CTNNA1: variants seen among roughly 807,000 people sequenced by gnomAD.
CTNNA1 encodes the protein catenin alpha 1.
CTNNA1 carries 37 observed loss-of-function variants against 98.4 expected under a neutral mutation model. That is an observed-to-expected ratio of 0.38 (90% CI 0.29 to 0.49). The LOEUF (loss-of-function observed/expected upper bound fraction) is 0.49. Ranked by LOEUF, CTNNA1 falls within the 20% of genes least tolerant of loss-of-function variation. The probability of loss-of-function intolerance (pLI) is 0.95; values close to 1 mark genes in which losing one functional copy is unlikely to be tolerated. For synonymous variants in CTNNA1, 404 were observed against 413.2 expected (o/e 0.98, Z 0.27); for missense variants, 761 against 1,147.2 (o/e 0.66, Z 4.86).
rs2150288196 is a variant in CTNNA1 at position 138,924,561 on chromosome 5, A to C, written c.1598A>C (p.Lys533Thr). Residue 533 changes from lysine to threonine, a missense_variant, in exon 12 of 18, where the codon AAG (lysine) becomes ACG (threonine). Transcript: ENST00000302763. ...VNKCVIALQE[K>T]DVDGLDRTAG... ...AAATGTGTCATTGCTCTCCAAGAGA[A>C]GGATGTGGATGGCCTGGACCGCACA... 1 of 1,614,244 alleles carries C rather than the reference A, an allele frequency of 6.2e-7. No homozygotes were observed. The highest frequency in any genetic ancestry group is 1.1e-5 in the South Asian group (1 of 91,076).
intron 4 of CTNNA1, among the ~76,000 whole-genome samples, chr5:138,810,909 C>T (rs1212920720): frequency 4.0e-5 from 6 of 149,792 alleles, no homozygotes; most frequent in South Asian, 2.1e-4. Flanking sequence ...GGCGGCTGGC[C>T]GGGCAGGGGG....
chr5:138,884,633 A>T (rs1190995101), intron 7 of CTNNA1, among the ~76,000 whole-genome samples: 2 of 152,196 alleles, frequency 1.3e-5, no homozygotes, highest in African/African-American at 2.4e-5. Flanking sequence ...TGCTACAAAT[A>T]ATCTGCTTTG....
chr5:138,823,191 G>C (rs576539515), intron 5 of CTNNA1, among the ~76,000 whole-genome samples: 1 of 152,084 alleles, frequency 6.6e-6, no homozygotes, highest in East Asian at 1.9e-4. Flanking sequence ...TCCCTTCTGA[G>C]TATTGTGAGT....
chr5:138,864,264 T>C (rs1764540376), intron 7 of CTNNA1, among the ~76,000 whole-genome samples: 1 of 152,184 alleles, frequency 6.6e-6, no homozygotes, highest in East Asian at 1.9e-4. Context: ...TTCTTTTTTT[T>C]AGACAGAGTC....
chr5:138,923,586 G>A (rs1336191566), intron 11 of CTNNA1, among the ~76,000 whole-genome samples: 1 of 151,992 alleles, frequency 6.6e-6, no homozygotes, highest in African/African-American at 2.4e-5. Flanking sequence ...ATGCAGTGGC[G>A]CGATCTTGGC....
chr5:138,858,066 G>A (rs556072658), intron 7 of CTNNA1, among the ~76,000 whole-genome samples: 1 of 152,116 alleles, frequency 6.6e-6, no homozygotes, highest in African/African-American at 2.4e-5. Flanking sequence ...TTCAGTTGCA[G>A]ACACTTGTAC....
chr5:138,896,412 TAGC>T (rs1199462276), intron 9 of CTNNA1, among the ~76,000 whole-genome samples: 2 of 152,180 alleles, frequency 1.3e-5, no homozygotes, highest in Non-Finnish European at 2.9e-5. Context: ...TAAAAGCAAA[TAGC>T]AGAATATTCG....
rs1026779147 is a variant in CTNNA1, at chr5:138,765,947, C to CAAAA, written c.-3+12458_-3+12461dup. 6.7e-3 allele frequency among the ~76,000 whole-genome samples: 324 copies of CAAAA among 48,462 alleles called. 5 individuals are homozygous for CAAAA. The highest frequency in any genetic ancestry group is 0.021 in the African/African-American group (312 of 14,994). The allele number at this position is 48,462 out of a possible 152,430, so 31.8% of individuals were successfully genotyped here. On this transcript the variant is annotated intron_variant, in intron 1 of 17. Transcript: ENST00000302763. ...CTGGCGATAGAGTGAGACTCTGTCTCAAAAAAAAAAAAAAAAAAAAAAAAG... is the reference window on the plus strand; with the variant it reads ...CTGGCGATAGAGTGAGACTCTGTCTCAAAAAAAAAAAAAAAAAAAAAAAAAAAAG...
chr5:138,829,981 G>A (rs759766124), intron 7 of CTNNA1, among the ~76,000 whole-genome samples: 3 of 151,784 alleles, frequency 2.0e-5, no homozygotes, highest in South Asian at 4.2e-4. Flanking sequence ...CCTGGCTAAC[G>A]TGGCGAAACC....
intron 3 of CTNNA1, among the ~76,000 whole-genome samples, chr5:138,797,118 G>T (rs561388032): frequency 2.0e-5 from 3 of 152,172 alleles, no homozygotes; most frequent in South Asian, 2.1e-4. Context: ...TTTCATTTTT[G>T]CATGAACTAG....
intron 5 of CTNNA1, among the ~76,000 whole-genome samples, chr5:138,819,111 A>G (rs764395306): frequency 3.3e-5 from 5 of 152,062 alleles, no homozygotes; most frequent in Non-Finnish European, 7.4e-5. Flanking sequence ...CCCAGGGAGC[A>G]GGGTGTATGT....
rs1232696205 is a variant in CTNNA1, at chr5:138,873,567, G to A, written c.1063-12645G>A. The A allele has an allele frequency of 1.2e-6, 2 of 1,613,806 alleles. No homozygotes were observed. Among genetic ancestry groups the A allele is most frequent in the Admixed American group, 1.7e-5 (1 of 60,004 alleles). On this transcript the variant is annotated intron_variant, in intron 7 of 17. Transcript: ENST00000302763. The surrounding 1 kb of genome is among the most constrained non-coding windows in gnomAD (Gnocchi z 6.1). ...TGGCATAGGATGGAGTGTTCCCACC[G>A]ACCTTGGAAACTGCCCAGCCAGGAG...
rs772401780 is a variant in CTNNA1 at position 138,874,432 on chromosome 5, C to T, written c.1063-11780C>T. On this transcript the variant is annotated intron_variant, in intron 7 of 17. Transcript: ENST00000302763. The surrounding 1 kb of genome is among the most constrained non-coding windows in gnomAD (Gnocchi z 4.1). ...AGCCCTGAGAGTCGCAGTAGAAGAGCAGCTTCTCGCAGCGGCATTTGGGTG... is the reference window on the plus strand; with the variant it reads ...AGCCCTGAGAGTCGCAGTAGAAGAGTAGCTTCTCGCAGCGGCATTTGGGTG... The T allele has an allele frequency of 3.1e-6, 5 of 1,613,832 alleles. No homozygotes were observed. The highest frequency in any genetic ancestry group is 4.2e-6 in the Non-Finnish European group (5 of 1,179,832).
At chr5:138,778,319 C>T (rs1231766333) in intron 1 of CTNNA1, among the ~76,000 whole-genome samples, 2 of 152,102 alleles carry the variant, frequency 1.3e-5, no homozygotes, top group Non-Finnish European at 2.9e-5. Flanking sequence ...AAGACTACAG[C>T]CAGTTATTTT....
At chr5:138,916,831 G>A (rs1405076433) in intron 10 of CTNNA1, among the ~76,000 whole-genome samples, 4 of 151,726 alleles carry the variant, frequency 2.6e-5, no homozygotes, top group African/African-American at 9.7e-5. Flanking sequence ...CTGGAGTGCA[G>A]TGGCATGATC....
chr5:138,804,640 C>G lies in CTNNA1; in HGVS notation c.302-5398C>G, dbSNP rs891043199. Among the ~76,000 whole-genome samples the G allele has an allele frequency of 2.6e-5, 4 of 152,164 alleles. No homozygotes were observed. In the South Asian group the frequency reaches 8.3e-4, roughly 32 times the overall value. On this transcript the variant is annotated intron_variant, in intron 3 of 17. Coordinates refer to ENST00000302763, the MANE Select transcript of CTNNA1 (RefSeq NM_001903.5). ...TGTATCAGCACTTCATTTTTTCTTA[C>G]GGCTAAATACTGGATAATGCCACAT...
chr5:138,807,336 C>T (rs1282448299), intron 3 of CTNNA1, among the ~76,000 whole-genome samples: 2 of 151,714 alleles, frequency 1.3e-5, no homozygotes, highest in African/African-American at 2.4e-5. Context: ...GTTACTGTTC[C>T]TTCTGCTTGA....
rs28363484 is a variant in CTNNA1 at position 138,929,435 on chromosome 5, C to A, written c.2010+79C>A. On this transcript the variant is annotated intron_variant, in intron 14 of 17. Coordinates refer to ENST00000302763, the MANE Select transcript of CTNNA1 (RefSeq NM_001903.5). ...CCCTTTCTTGTTTCCAGGAAAACACCCTCAGTATTCAGAACACCGTTTCTC... is the reference window on the plus strand; with the variant it reads ...CCCTTTCTTGTTTCCAGGAAAACACACTCAGTATTCAGAACACCGTTTCTC... The A allele has an allele frequency of 3.5e-4, 259 of 734,258 alleles. No homozygotes were observed. In the African/African-American group the frequency reaches 4.0e-3, roughly 11 times the overall value. 45.5% of individuals were successfully genotyped at this position (734,258 alleles called of 1,614,324 possible). A position where few individuals can be genotyped will look rare whatever the true frequency, so the allele number is the denominator to read the frequency against.
chr5:138,757,372 G>A lies in CTNNA1; in HGVS notation c.-3+3862G>A, dbSNP rs565689443. 2.6e-5 allele frequency among the ~76,000 whole-genome samples: 4 copies of A among 152,214 alleles called. No homozygotes were observed. The South Asian group carries it at 6.2e-4, about 24-fold the overall frequency. ...ATGGATCGTGAATATATGTAATGCC[G>A]CTGAGGCATACAGTATTTAAAAACA... On this transcript the variant is annotated intron_variant, in intron 1 of 17. Transcript: ENST00000302763.
Sources: gnomAD v4.1 joint callset for allele counts (sites outside exome capture counted in the v4.1 genomes callset) on GRCh38, gnomAD v4.1.1 for gene constraint, Gnocchi (gnomAD v3.1) non-coding constraint, MANE v1.5 for transcripts, NCBI Gene and HGNC (gene_info 2026-07-23, HGNC 2026-07-21) for gene names.